Variants in LARP4B observed in about 807,000 individuals in gnomAD.
LARP4B encodes La ribonucleoprotein 4B, also known as la-related protein 4B.
In LARP4B, 12 loss-of-function variants were observed where a neutral mutation model predicts 89.8. The ratio of observed to expected loss-of-function variants is 0.13; its 90% CI spans 0.09 to 0.22. The LOEUF (loss-of-function observed/expected upper bound fraction) is 0.22. Ranked by LOEUF, LARP4B falls within the 10% of genes least tolerant of loss-of-function variation. LARP4B has a pLI of 1.00. For missense variants in LARP4B, 757 were observed against 947.7 expected (o/e 0.80, Z 2.64); for synonymous variants, 367 against 363.3 (o/e 1.01, Z -0.12).
chr10:829,813 A>C, intron 9 of LARP4B, 79 bp from the exon 10 acceptor site: 9 of 895,184 alleles, frequency 1.0e-5, no homozygotes, highest in Admixed American at 1.8e-5. Context: ...TCAATAGCTC[A>C]AATAGGGAAA....
downstream of LARP4B, chr10:807,313 A>T (rs1283328262): frequency 2.0e-5 from 3 of 152,314 alleles, no homozygotes; most frequent in East Asian, 5.8e-4. Context: ...CGTTAGAGAG[A>T]GTCTTTCTAT....
chr10:810,623 CA>C lies in LARP4B; in HGVS notation c.*2302del, dbSNP rs1831709472. ...GAAAGGACTTCTCATTATTAAAAAC[CA>C]AGGACTCACTGGCGGACGGGCAGGC... On this transcript the variant is annotated 3_prime_UTR_variant, in exon 18 of 18. Transcript: ENST00000316157. 1 of 152,242 alleles carries C rather than the reference CA, an allele frequency of 6.6e-6. No individual in the cohort carries two copies. The highest frequency in any genetic ancestry group is 2.4e-5 in the African/African-American group (1 of 41,452). The allele number at this position is 152,242 out of a possible 1,614,324, so 9.4% of individuals were successfully genotyped here. A position where few individuals can be genotyped will look rare whatever the true frequency, so the allele number is the denominator to read the frequency against.
At chr10:833,268 A>AC (rs1833009401) in intron 8 of LARP4B, among the ~76,000 whole-genome samples, 1 of 149,100 alleles carries the variant, frequency 6.7e-6, no homozygotes, top group East Asian at 1.9e-4. Context: ...AAAAAAAAAA[A>AC]AAAAAAAAAA....
intron 2 of LARP4B, 84 bp from the exon 3 acceptor site, chr10:884,590 C>G: frequency 4.9e-6 from 4 of 816,404 alleles, no homozygotes; most frequent in Non-Finnish European, 8.1e-6. Flanking sequence ...TTAGGCAAAA[C>G]TAAACCCACC....
chr10:935,851 T>G (rs1036037009), upstream of LARP4B, among the ~76,000 whole-genome samples: 4 of 151,348 alleles, frequency 2.6e-5, no homozygotes, highest in African/African-American at 9.7e-5. Context: ...CCCGAGTAGC[T>G]GGGATTACAG....
At chr10:832,819 G>C (rs1832979213) in intron 8 of LARP4B, among the ~76,000 whole-genome samples, 1 of 152,210 alleles carries the variant, frequency 6.6e-6, no homozygotes, top group Admixed American at 6.5e-5. Flanking sequence ...CATGCTAAAG[G>C]AATGTCCAGG....
rs529209410 is a variant in LARP4B, at chr10:818,026, G to A, written c.1531-137C>T. On this transcript the variant is annotated intron_variant, in intron 14 of 17. Transcript: ENST00000316157. ...CAGACAAGGGCTTCCTCACTCAATT[G>A]AAGGTTCTCCCAAGCAACTTCAACC... is the stretch of plus-strand genomic sequence containing the variant. The A allele has an allele frequency of 2.0e-4, 168 of 824,276 alleles. 1 individual carries two copies. In the East Asian group the frequency reaches 4.4e-3, roughly 22 times the overall value. The allele number at this position is 824,276 out of a possible 1,614,324, so 51.1% of individuals were successfully genotyped here.
intron 8 of LARP4B, among the ~76,000 whole-genome samples, chr10:832,513 C>T (rs190003398): frequency 5.7e-4 from 86 of 152,188 alleles, no homozygotes; most frequent in Non-Finnish European, 8.4e-4. Flanking sequence ...ATTTCAGGTA[C>T]GAGAAGTTTG....
At chr10:907,722 C>G (rs746791720) in intron 1 of LARP4B, among the ~76,000 whole-genome samples, 1 of 152,124 alleles carries the variant, frequency 6.6e-6, no homozygotes, top group Non-Finnish European at 1.5e-5. Context: ...TTTTTGTATA[C>G]TAATGATATG....
chr10:908,326 C>T lies in LARP4B; in HGVS notation c.-39-22566G>A, dbSNP rs558364687. On this transcript the variant is annotated intron_variant, in intron 1 of 17. Transcript: ENST00000316157. ...ATGGGAGCCCCTTGCCCTTCCCCCA[C>T]ACCTTGCCCCACACATCTCGTCATC... Among the ~76,000 whole-genome samples the T allele has an allele frequency of 3.3e-5, 5 of 152,296 alleles. No homozygotes were observed. In the South Asian group the frequency reaches 8.3e-4, roughly 25 times the overall value.
chr10:924,141 G>C (rs924106675), intron 1 of LARP4B, among the ~76,000 whole-genome samples: 4 of 152,110 alleles, frequency 2.6e-5, no homozygotes, highest in Non-Finnish European at 2.9e-5. Flanking sequence ...CTACTCGGGA[G>C]GCTAAGGTGG....
intron 1 of LARP4B, among the ~76,000 whole-genome samples, chr10:930,538 C>G (rs1180320668): frequency 6.6e-6 from 1 of 152,140 alleles, no homozygotes; most frequent in African/African-American, 2.4e-5. Context: ...AGGGGAAAAG[C>G]AAAATTACAT....
intron 7 of LARP4B, among the ~76,000 whole-genome samples, chr10:841,470 G>A (rs1381972418): frequency 6.6e-6 from 1 of 152,218 alleles, no homozygotes; most frequent in African/African-American, 2.4e-5. Context: ...TGGGCAGGTG[G>A]GCTCTGTTAA....
chr10:852,023 C>T (rs1834080376), intron 5 of LARP4B, among the ~76,000 whole-genome samples: 1 of 152,092 alleles, frequency 6.6e-6, no homozygotes, highest in African/African-American at 2.4e-5. Flanking sequence ...CATGATGATG[C>T]TACTGCACTC....
chr10:907,584 C>T (rs778510355), intron 1 of LARP4B, among the ~76,000 whole-genome samples: 2 of 152,166 alleles, frequency 1.3e-5, no homozygotes, highest in African/African-American at 2.4e-5. Context: ...TCCGAAGTGG[C>T]AAACACATAC....
chr10:861,971 A>G (rs969261705), intron 5 of LARP4B, among the ~76,000 whole-genome samples: 1 of 152,164 alleles, frequency 6.6e-6, no homozygotes, highest in Non-Finnish European at 1.5e-5. Flanking sequence ...CTTAAATTCA[A>G]TGGACTCTAA....
intron 1 of LARP4B, among the ~76,000 whole-genome samples, chr10:919,740 T>G (rs1446088715): frequency 1.3e-5 from 2 of 152,228 alleles, no homozygotes; most frequent in Non-Finnish European, 2.9e-5. Context: ...GTGTTGAAGT[T>G]GGATCCAAGA....
rs144037188 is a variant in LARP4B, at chr10:911,653, G to A, written c.-40+19775C>T. Among the ~76,000 whole-genome samples, 701 of 152,214 alleles carry A rather than the reference G, an allele frequency of 4.6e-3. 4 individuals are homozygous for A. Among genetic ancestry groups the A allele is most frequent in the Admixed American group, 8.6e-3 (132 of 15,282 alleles). ...TTCTAATGACTCTGAGACCCGCTTC[G>A]GAACACAGGAAGAGGCAACACTCAC... On this transcript the variant is annotated intron_variant, in intron 1 of 17. Transcript: ENST00000316157.
the LARP4B span, among the ~76,000 whole-genome samples, chr10:949,500 G>C: frequency 6.8e-5 from 9 of 132,740 alleles, no homozygotes; most frequent in African/African-American, 2.7e-4. Flanking sequence ...TACATCCCAC[G>C]AGCCCCAGGT....
Sources: gnomAD v4.1 joint callset for allele counts (sites outside exome capture counted in the v4.1 genomes callset) on GRCh38, gnomAD v4.1.1 for gene constraint, MANE v1.5 for transcripts, NCBI Gene and HGNC (gene_info 2026-07-23, HGNC 2026-07-21) for gene names.